DENND4C: variants seen among roughly 807,000 people sequenced by gnomAD.
DENND4C encodes the protein DENN domain containing 4C, also known as DENN domain-containing protein 4C.
Under a neutral mutation model 203.0 loss-of-function variants are expected in DENND4C, and 108 were observed. The observed-to-expected ratio is 0.53, with a 90% CI of 0.46 to 0.62. The LOEUF (loss-of-function observed/expected upper bound fraction) is 0.62, where lower values mean the gene tolerates loss of function less well. Ranked by LOEUF, DENND4C falls within the 20% of genes least tolerant of loss-of-function variation. The probability of loss-of-function intolerance (pLI) is 0.00; values close to 1 mark genes in which losing one functional copy is unlikely to be tolerated. For missense variants in DENND4C, 2,481 were observed against 2,301.2 expected (o/e 1.08, Z -1.60); for synonymous variants, 871 against 792.4 (o/e 1.10, Z -1.67).
At position 19,372,237 on chromosome 9, in the gene DENND4C, A is replaced by G; in HGVS notation, c.*64A>G. ...GATTAGATTTCATCTGGAAACATTC[A>G]AGTTTTTTTTTCCAAATCGTAAGAA... On this transcript the variant is annotated 3_prime_UTR_variant, in exon 33 of 33. Coordinates refer to ENST00000434457, the MANE Select transcript of DENND4C (RefSeq NM_001330640.2). 2 of 1,553,462 alleles carry G rather than the reference A, an allele frequency of 1.3e-6. No individual in the cohort carries two copies. The highest frequency in any genetic ancestry group is 1.7e-6 in the Non-Finnish European group (2 of 1,151,344).
intron 10 of DENND4C, among the ~76,000 whole-genome samples, chr9:19,310,478 G>T (rs947591464): frequency 2.0e-5 from 3 of 152,172 alleles, no homozygotes; most frequent in African/African-American, 7.2e-5. Flanking sequence ...CTTCCATGAT[G>T]CAACAGCACA....
At chr9:19,309,103 C>A (rs991797182) in intron 10 of DENND4C, among the ~76,000 whole-genome samples, 1 of 152,128 alleles carries the variant, frequency 6.6e-6, no homozygotes, top group Admixed American at 6.6e-5. Context: ...TATGGGATTT[C>A]TTTTTGAGGT....
intron 9 of DENND4C, among the ~76,000 whole-genome samples, chr9:19,303,303 A>G (rs1838972243): frequency 6.6e-6 from 1 of 151,916 alleles, no homozygotes; most frequent in African/African-American, 2.4e-5. Context: ...TATGTTTTTC[A>G]TTTATTTTCT....
At chr9:19,258,131 A>G (rs985963612) in intron 1 of DENND4C, among the ~76,000 whole-genome samples, 37 of 152,052 alleles carry the variant, frequency 2.4e-4, no homozygotes, top group Non-Finnish European at 4.6e-4. Flanking sequence ...AAATCAATCA[A>G]TCAATCTATC....
chr9:19,340,941 A>G (rs781443751), intron 20 of DENND4C, 51 bp from the exon 21 acceptor site: 12 of 1,491,086 alleles, frequency 8.0e-6, no homozygotes, highest in Admixed American at 2.3e-5. Context: ...TTATATATGA[A>G]TTATAAGTAT....
At chr9:19,305,312 A>G in intron 9 of DENND4C, 40 bp from the exon 10 acceptor site, 1 of 1,553,420 alleles carries the variant, frequency 6.4e-7, no homozygotes. Flanking sequence ...TTTTATTGCA[A>G]ATTTAAAATT....
chr9:19,297,845 C>G lies in DENND4C; in HGVS notation c.1041-211C>G, dbSNP rs1187927257. Reference sequence around the variant, plus strand: ...GGTAATGATAGGGGATATAAATAGACTTTAAGTCAGGAAATACATTGTGTA... The same window carrying G: ...GGTAATGATAGGGGATATAAATAGAGTTTAAGTCAGGAAATACATTGTGTA... On this transcript the variant is annotated intron_variant, in intron 6 of 32. Coordinates refer to ENST00000434457, the MANE Select transcript of DENND4C (RefSeq NM_001330640.2). 2.0e-5 allele frequency among the ~76,000 whole-genome samples: 3 copies of G among 152,108 alleles called. No individual in the cohort carries two copies. The East Asian group carries it at 5.8e-4, about 29-fold the overall frequency.
intron 10 of DENND4C, among the ~76,000 whole-genome samples, chr9:19,308,110 A>G (rs1283901197): frequency 6.6e-6 from 1 of 152,144 alleles, no homozygotes; most frequent in Non-Finnish European, 1.5e-5. Flanking sequence ...ATGGACATCT[A>G]GGTTGTATCT....
In DENND4C at chr9:19,350,781, G is replaced by C. The variant is rs905958834; in HGVS notation, c.4397G>C (p.Ser1466Thr). 1.2e-6 allele frequency: 2 copies of C among 1,613,936 alleles called. No homozygotes were observed. Among genetic ancestry groups the C allele is most frequent in the Non-Finnish European group, 1.7e-6 (2 of 1,179,990 alleles). The change falls in exon 24 of 33, where the codon AGT becomes ACT. Residue 1466 changes from serine (S) to threonine (T), a missense_variant. Transcript: ENST00000434457. ...GGGGAGAATATATCGCCTAACACAA[G>C]TATCTCAGGGTTGGTCCCCAGTGAA... ...ILGENISPNT[S>T]ISGLVPSELT...
At chr9:19,328,733 T>C (rs999195760) in intron 16 of DENND4C, among the ~76,000 whole-genome samples, 3 of 152,080 alleles carry the variant, frequency 2.0e-5, no homozygotes, top group Admixed American at 1.3e-4. Flanking sequence ...TTTTGAATGC[T>C]TATATTTATG....
chr9:19,343,647 A>C (rs1445529193), intron 22 of DENND4C, among the ~76,000 whole-genome samples: 1 of 152,236 alleles, frequency 6.6e-6, no homozygotes, highest in African/African-American at 2.4e-5. Context: ...ATTTTTTGAG[A>C]AAATAATTGA....
chr9:19,352,094 G>A lies in DENND4C; in HGVS notation c.4517G>A (p.Gly1506Asp), dbSNP rs201875776. Reference protein sequence around the residue: ...YPTGEVPFPRGMKGQDFEKSD... With the variant: ...YPTGEVPFPRDMKGQDFEKSD... ...GTAGGTGAAGTTCCATTTCCAAGAG[G>A]CATGAAAGGGCAAGACTTTGAAAAA... The change falls in exon 25 of 33, where the codon GGC becomes GAC. Residue 1506 changes from glycine to aspartate, a missense_variant. Coordinates refer to ENST00000434457, the MANE Select transcript of DENND4C (RefSeq NM_001330640.2). 4.9e-5 allele frequency: 79 copies of A among 1,613,596 alleles called. No individual in the cohort carries two copies. Among genetic ancestry groups the A allele is most frequent in the Non-Finnish European group, 6.6e-5 (78 of 1,179,836 alleles).
chr9:19,283,818 C>T (rs1834646399), intron 2 of DENND4C, among the ~76,000 whole-genome samples: 1 of 151,796 alleles, frequency 6.6e-6, no homozygotes, highest in African/African-American at 2.4e-5. Flanking sequence ...TGGTTGCGAA[C>T]TCCCAACCTC....
intron 1 of DENND4C, among the ~76,000 whole-genome samples, chr9:19,254,114 A>C (rs139627561): frequency 1.3e-5 from 2 of 152,348 alleles, no homozygotes; most frequent in African/African-American, 4.8e-5. Flanking sequence ...ATGGCGAAAG[A>C]GAACTCTTGT....
chr9:19,324,768 A>G (rs1399760943), intron 13 of DENND4C, among the ~76,000 whole-genome samples: 2 of 152,170 alleles, frequency 1.3e-5, no homozygotes, highest in Admixed American at 1.3e-4. Context: ...TACCCAGGCT[A>G]GGGTGCAGTG....
chr9:19,274,226 A>G (rs757136671), intron 1 of DENND4C, among the ~76,000 whole-genome samples: 2 of 152,060 alleles, frequency 1.3e-5, no homozygotes, highest in Non-Finnish European at 2.9e-5. Flanking sequence ...TAGGAAGCTG[A>G]TAACTTGTTG....
intron 5 of DENND4C, among the ~76,000 whole-genome samples, chr9:19,293,510 A>G (rs1463707992): frequency 1.1e-4 from 17 of 152,156 alleles, no homozygotes; most frequent in Admixed American, 1.1e-3. Context: ...TGTAAAGGCA[A>G]GGGTTCCTGT....
intron 1 of DENND4C, among the ~76,000 whole-genome samples, chr9:19,232,865 A>G (rs537101767): frequency 1.4e-4 from 21 of 152,310 alleles, no homozygotes; most frequent in South Asian, 2.1e-4. Context: ...TAATAACTCA[A>G]TAAGGCACCT....
At position 19,346,379 on chromosome 9, in the gene DENND4C, A is replaced by G. The variant is rs142943763; in HGVS notation, c.3610A>G (p.Thr1204Ala). The G allele has an allele frequency of 5.0e-6, 8 of 1,614,096 alleles. No homozygotes were observed. In the East Asian group the frequency reaches 1.8e-4, roughly 36 times the overall value. Residue 1204 changes from threonine (T) to alanine (A), a missense_variant, in exon 23 of 33, where the codon ACA (threonine) becomes GCA (alanine). Around this residue, in one of 3 missense-constraint regions of DENND4C, gnomAD observed 2,289 missense variants for 2,113.3 expected, o/e 1.08. Transcript: ENST00000434457. ...ACCTAAAACTACTGCAACAGTAGAT[A>G]CATATGAGAGTCTACTAAGTGATAG... Reference protein sequence around the residue: ...DVPKTTATVDTYESLLSDSNS... With the variant: ...DVPKTTATVDAYESLLSDSNS...
Sources: allele counts gnomAD v4.1 joint callset (sites outside exome capture counted in the v4.1 genomes callset), GRCh38; gene constraint gnomAD v4.1.1; regional missense constraint gnomAD v4.1.1; transcripts MANE v1.5; gene names NCBI Gene and HGNC (gene_info 2026-07-23, HGNC 2026-07-21).